Variants in SORBS3 observed in about 807,000 individuals in gnomAD.
SORBS3 encodes the protein sorbin and SH3 domain containing 3.
SORBS3 carries 69 observed loss-of-function variants against 98.0 expected under a neutral mutation model. That is an observed-to-expected ratio of 0.70 (90% CI 0.58 to 0.86). SORBS3 has a LOEUF of 0.86. Ranked by LOEUF, SORBS3 falls within the 40% of genes least tolerant of loss-of-function variation. The pLI, the probability that SORBS3 is intolerant of heterozygous loss-of-function variation, is 0.00. For synonymous variants in SORBS3, 394 were observed against 355.4 expected, an observed-to-expected ratio of 1.11 and a Z score of -1.22; for missense variants, 954 against 908.5, an observed-to-expected ratio of 1.05 and a Z score of -0.64.
intron 20 of SORBS3, among the ~76,000 whole-genome samples, chr8:22,574,396 G>A (rs1479431454): frequency 2.1e-5 from 2 of 95,456 alleles, no homozygotes; most frequent in African/African-American, 4.2e-5. Flanking sequence ...TTGCGGAGGA[G>A]GGGGGGAGTG....
At chr8:22,559,315 C>T (rs771520504) in intron 5 of SORBS3, among the ~76,000 whole-genome samples, 7 of 152,144 alleles carry the variant, frequency 4.6e-5, no homozygotes, top group African/African-American at 7.2e-5. Flanking sequence ...ATGGATTGGA[C>T]GTGGCTTGGA....
Position 22,572,440 on chromosome 8 carries a change from T to C in SORBS3, c.1948T>C (p.Phe650Leu). Reference sequence around the variant, plus strand: ...CATGCAGCAGTGTGACGATGGCTGGTTTGTGGGTATGTGGGCAGGCCGGGA... The same window carrying C: ...CATGCAGCAGTGTGACGATGGCTGGCTTGTGGGTATGTGGGCAGGCCGGGA... ...DVMQQCDDGWFVGVSRRTQKF... is the reference protein window; with the variant it reads ...DVMQQCDDGWLVGVSRRTQKF... The change falls in exon 20 of 21, where the codon TTT (phenylalanine) becomes CTT (leucine). Residue 650 changes from phenylalanine (F) to leucine (L), a missense_variant. Phe to Leu is a conservative substitution (Grantham distance 22, BLOSUM62 0). Transcript: ENST00000240123. The C allele has an allele frequency of 6.2e-7, 1 of 1,612,856 alleles. No homozygotes were observed. Among genetic ancestry groups the C allele is most frequent in the Non-Finnish European group, 8.5e-7 (1 of 1,179,376 alleles).
upstream of SORBS3, among the ~76,000 whole-genome samples, chr8:22,549,123 G>C (rs1382422222): frequency 6.6e-6 from 1 of 152,234 alleles, no homozygotes; most frequent in Non-Finnish European, 1.5e-5. Context: ...TTATGTAACT[G>C]TGTTTACTGT....
chr8:22,554,419 C>G lies in SORBS3; in HGVS notation c.-55-33C>G. 1 of 1,543,390 alleles carries G rather than the reference C, an allele frequency of 6.5e-7. No individual in the cohort carries two copies. Among genetic ancestry groups the G allele is most frequent in the South Asian group, 1.2e-5 (1 of 80,008 alleles). On this transcript the variant is annotated intron_variant, in intron 1 of 20. Transcript: ENST00000240123. The surrounding 1 kb of genome is among the most constrained non-coding windows in gnomAD (Gnocchi z 6.5). ...AGAGGGCATGGGCAGCCTAGCCTAG[C>G]AGGGCTTTCCCTTCCTTCCTCCTTC...
intron 12 of SORBS3, chr8:22,566,087 GT>G (rs1241007685): frequency 1.8e-6 from 1 of 569,098 alleles, no homozygotes; most frequent in Admixed American, 4.3e-5. Context: ...GAGGACCGGG[GT>G]CGCGGCCGCC....
chr8:22,575,091 C>A lies in SORBS3; in HGVS notation c.*363C>A, dbSNP rs1280680408. ...AGGGACCAGCTCTCCGCTTTGCCCC[C>A]ACGGGGTTCCTCTAACCAGAACCAG... On this transcript the variant is annotated 3_prime_UTR_variant, in exon 21 of 21. Coordinates refer to ENST00000240123, the MANE Select transcript of SORBS3 (RefSeq NM_005775.5). 1 of 412,126 alleles carries A rather than the reference C, an allele frequency of 2.4e-6. No homozygotes were observed. Among genetic ancestry groups the A allele is most frequent in the Non-Finnish European group, 4.8e-6 (1 of 209,748 alleles). 25.5% of individuals were successfully genotyped at this position (412,126 alleles called of 1,614,324 possible).
Position 22,571,807 on chromosome 8 carries a change from G to C in SORBS3, c.1833G>C (p.Gln611His), listed in dbSNP as rs1347276578. 1 of 1,611,908 alleles carries C rather than the reference G, an allele frequency of 6.2e-7. No homozygotes were observed. Among genetic ancestry groups the C allele is most frequent in the South Asian group, 1.1e-5 (1 of 91,054 alleles). The change falls in exon 19 of 21, where the codon CAG becomes CAC. Residue 611 changes from glutamine to histidine, a missense_variant. Physicochemically the swap from Gln to His is conservative, Grantham distance 24 (BLOSUM62 0). Coordinates refer to ENST00000240123, the MANE Select transcript of SORBS3 (RefSeq NM_005775.5). ...GGACCTCCTCTCCTAACACCTCTCA[G>C]ATACACTGGACCCCGTGAGTACCAT... ...DLGTSSPNTS[Q>H]IHWTPYRAMY...
chr8:22,569,931 C>T (rs1840527970), intron 17 of SORBS3, among the ~76,000 whole-genome samples: 1 of 152,154 alleles, frequency 6.6e-6, no homozygotes, highest in Non-Finnish European at 1.5e-5. Flanking sequence ...TCATACTCAG[C>T]ATTTTTAAAG....
Position 22,570,943 on chromosome 8 carries a change from G to A in SORBS3, c.1465G>A (p.Glu489Lys), listed in dbSNP as rs542432320. Residue 489 changes from glutamate (E) to lysine (K), a missense_variant, in exon 18 of 21, where the codon GAG (glutamate) becomes AAG (lysine). Glu to Lys is a moderately conservative substitution (Grantham distance 56, BLOSUM62 1). Transcript: ENST00000240123. Reference protein sequence around the residue: ...EHICLIRKVNENWYEGRITGT... With the variant: ...EHICLIRKVNKNWYEGRITGT... ...CATCTGCCTGATCCGCAAGGTGAAC[G>A]AGAACTGGTACGAGGGACGCATCAC... 6.8e-6 allele frequency: 11 copies of A among 1,610,304 alleles called. No individual in the cohort carries two copies. The highest frequency in any genetic ancestry group is 3.3e-5 in the South Asian group (3 of 90,804).
rs760928330 is a variant in SORBS3 at position 22,567,047 on chromosome 8, G to A, written c.1191-14G>A. On this transcript the variant is annotated splice_polypyrimidine_tract_variant and intron_variant, in intron 15 of 20. Transcript: ENST00000240123. ...GGCTTCAGCTTACCCTGCGGTCCTC[G>A]TCCCCACCTGCAGGGAGCTGACTCT... The A allele has an allele frequency of 2.2e-5, 35 of 1,605,956 alleles. No individual in the cohort carries two copies. Among genetic ancestry groups the A allele is most frequent in the Middle Eastern group, 1.7e-4 (1 of 5,788 alleles).
At chr8:22,556,682 T>G (rs762631912) in intron 3 of SORBS3, 33 bp from the exon 4 acceptor site, 1 of 1,605,568 alleles carries the variant, frequency 6.2e-7, no homozygotes, top group Non-Finnish European at 8.5e-7. Context: ...GACCCCTGCC[T>G]TTCACTAATG....
intron 11 of SORBS3, chr8:22,565,602 C>A (rs939573303): frequency 2.7e-5 from 22 of 816,946 alleles, no homozygotes; most frequent in Non-Finnish European, 3.2e-5. Flanking sequence ...GCCCGACGAC[C>A]GGGCGCCCGC....
In SORBS3 at chr8:22,574,957, C is replaced by A. The variant is rs1840695794; in HGVS notation, c.*229C>A. Reference sequence around the variant, plus strand: ...ACAGCCCTTTCATTTCCTCCCCACCCCACTCCCCAAATACAGAGGTCTGCT... The same window carrying A: ...ACAGCCCTTTCATTTCCTCCCCACCACACTCCCCAAATACAGAGGTCTGCT... On this transcript the variant is annotated 3_prime_UTR_variant, in exon 21 of 21. Transcript: ENST00000240123. 5.9e-6 allele frequency: 4 copies of A among 679,288 alleles called. No homozygotes were observed. In the East Asian group the frequency reaches 1.1e-4, roughly 19 times the overall value. The allele number at this position is 679,288 out of a possible 1,614,324, so 42.1% of individuals were successfully genotyped here. A position where few individuals can be genotyped will look rare whatever the true frequency, so the allele number is the denominator to read the frequency against.
chr8:22,567,153 T>A lies in SORBS3; in HGVS notation c.1283T>A (p.Ile428Asn). 6.2e-7 allele frequency: 1 copy of A among 1,612,754 alleles called. No homozygotes were observed. The highest frequency in any genetic ancestry group is 2.2e-5 in the East Asian group (1 of 44,882). The stretch of plus-strand genomic sequence containing the variant: ...GGAGAGCACCACGGCCGCCTGGGCA[T>A]CTTCCCTGCTAATTATGTGGAGGTG... ...LEGEHHGRLG[I>N]FPANYVEVLP... Residue 428 changes from isoleucine to asparagine, a missense_variant, in exon 16 of 21, where the codon ATC becomes AAC. Transcript: ENST00000240123.
chr8:22,547,900 G>C (rs1840032542), upstream of SORBS3, among the ~76,000 whole-genome samples: 1 of 152,192 alleles, frequency 6.6e-6, no homozygotes, highest in African/African-American at 2.4e-5. Context: ...GGGATAAATT[G>C]GGCAAACGGC....
intron 1 of SORBS3, among the ~76,000 whole-genome samples, chr8:22,546,719 A>G (rs1840019779): frequency 6.6e-6 from 1 of 152,262 alleles, no homozygotes; most frequent in Admixed American, 6.5e-5. Flanking sequence ...GACATGGTGA[A>G]TTCCATCTTG....
At chr8:22,565,149 A>T in intron 10 of SORBS3, 119 bp from the exon 11 acceptor site, 1 of 1,474,566 alleles carries the variant, frequency 6.8e-7, no homozygotes, top group Admixed American at 2.1e-5. Flanking sequence ...CCGTGCGCTG[A>T]GGCCTGCCCT....
chr8:22,565,775 G>T, intron 11 of SORBS3, 51 bp from the exon 12 acceptor site: 1 of 1,302,708 alleles, frequency 7.7e-7, no homozygotes, highest in Non-Finnish European at 9.8e-7. Flanking sequence ...GGCCTCGGCT[G>T]CCGCTGGGTC....
chr8:22,553,806 C>T (rs748856508), intron 1 of SORBS3, among the ~76,000 whole-genome samples: 42 of 152,254 alleles, frequency 2.8e-4, no homozygotes, highest in Non-Finnish European at 4.9e-4. Flanking sequence ...TCTCCACCCA[C>T]CCGGAGCCCT....
Sources: gnomAD v4.1 joint callset for allele counts (sites outside exome capture counted in the v4.1 genomes callset) on GRCh38, gnomAD v4.1.1 for gene constraint, Gnocchi (gnomAD v3.1) non-coding constraint, MANE v1.5 for transcripts, NCBI Gene and HGNC (gene_info 2026-07-23, HGNC 2026-07-21) for gene names.